The following SUGCT variants were observed in gnomAD, a reference collection of about 807,000 sequenced individuals.
SUGCT encodes the protein succinyl-CoA:glutarate CoA-transferase.
A neutral mutation model predicts 55.0 loss-of-function variants in SUGCT; 41 were observed. That is an observed-to-expected ratio of 0.74 (90% CI 0.58 to 0.97). The LOEUF (loss-of-function observed/expected upper bound fraction) is 0.97, where lower values mean the gene tolerates loss of function less well. Among genes scored for constraint, SUGCT ranks in the 50% least tolerant of loss-of-function variants. The probability of loss-of-function intolerance (pLI) is 0.00; values close to 1 mark genes in which losing one functional copy is unlikely to be tolerated. For synonymous variants in SUGCT, 187 were observed against 200.4 expected, an observed-to-expected ratio of 0.93 and a Z score of 0.56; for missense variants, 568 against 547.8, an observed-to-expected ratio of 1.04 and a Z score of -0.37.
At chr7:40,429,845 C>T (rs574271253) in intron 9 of SUGCT, among the ~76,000 whole-genome samples, 2 of 152,134 alleles carry the variant, frequency 1.3e-5, no homozygotes, top group African/African-American at 4.8e-5. Flanking sequence ...ACACATAGTA[C>T]CCTCTCTTTT....
intron 8 of SUGCT, among the ~76,000 whole-genome samples, chr7:40,290,018 A>G (rs1793637494): frequency 6.6e-6 from 1 of 152,130 alleles, no homozygotes; most frequent in Non-Finnish European, 1.5e-5. Context: ...ATACAAACAA[A>G]TGGAAGAACA....
chr7:40,516,280 C>G (rs1384589350), intron 12 of SUGCT, among the ~76,000 whole-genome samples: 1 of 152,104 alleles, frequency 6.6e-6, no homozygotes, highest in African/African-American at 2.4e-5. Flanking sequence ...ATCTTCCATT[C>G]TGTAAGTTTT....
the SUGCT span, among the ~76,000 whole-genome samples, chr7:40,954,812 G>A: frequency 3.7e-3 from 557 of 152,228 alleles, 4 homozygotes; most frequent in African/African-American, 0.013. Flanking sequence ...ATTAATTTTT[G>A]TATAAGGTGT....
chr7:40,236,804 A>G (rs1409682634), intron 6 of SUGCT, among the ~76,000 whole-genome samples: 8 of 152,036 alleles, frequency 5.3e-5, no homozygotes, highest in Non-Finnish European at 8.8e-5. Flanking sequence ...TGATTATTGC[A>G]TGTGAGAATG....
chr7:40,822,903 A>G (rs186101414), intron 13 of SUGCT, among the ~76,000 whole-genome samples: 13 of 151,934 alleles, frequency 8.6e-5, no homozygotes, highest in African/African-American at 3.1e-4. Flanking sequence ...AAATTCAGAG[A>G]AAGTGAAGAA....
At chr7:40,553,697 A>G (rs1469208453) in intron 12 of SUGCT, among the ~76,000 whole-genome samples, 1 of 151,124 alleles carries the variant, frequency 6.6e-6, no homozygotes, top group African/African-American at 2.4e-5. Flanking sequence ...CTGCCACATT[A>G]TGTGTGTGTG....
chr7:40,781,954 A>G (rs1789772661), intron 13 of SUGCT, among the ~76,000 whole-genome samples: 1 of 152,182 alleles, frequency 6.6e-6, no homozygotes, highest in African/African-American at 2.4e-5. Context: ...TACCAAAAAA[A>G]AAGTCTAGAA....
intron 11 of SUGCT, among the ~76,000 whole-genome samples, chr7:40,469,307 G>A (rs558193188): frequency 6.6e-6 from 1 of 152,216 alleles, no homozygotes; most frequent in South Asian, 2.1e-4. Flanking sequence ...TCATATCATG[G>A]CATTCACTGT....
At chr7:40,677,866 A>G (rs1269403803) in intron 12 of SUGCT, among the ~76,000 whole-genome samples, 2 of 152,152 alleles carry the variant, frequency 1.3e-5, no homozygotes, top group African/African-American at 4.8e-5. Flanking sequence ...TTCAGAAGCA[A>G]TCTTGGGTGA....
intron 12 of SUGCT, among the ~76,000 whole-genome samples, chr7:40,643,128 G>A (rs1456580873): frequency 6.6e-6 from 1 of 152,138 alleles, no homozygotes; most frequent in Non-Finnish European, 1.5e-5. Flanking sequence ...ATTTTTCAGT[G>A]TGAACTTCCT....
At chr7:40,481,079 T>C (rs1272849635) in intron 11 of SUGCT, among the ~76,000 whole-genome samples, 1 of 151,904 alleles carries the variant, frequency 6.6e-6, no homozygotes, top group Non-Finnish European at 1.5e-5. Context: ...CTTTGGGAGG[T>C]TGAGGTGGGA....
intron 1 of SUGCT, among the ~76,000 whole-genome samples, chr7:40,162,584 C>A (rs1784230941): frequency 6.6e-6 from 1 of 152,164 alleles, no homozygotes; most frequent in South Asian, 2.1e-4. Context: ...TCAAGTGATC[C>A]TTCCACGTCA....
chr7:40,554,510 G>T (rs1395574929), intron 12 of SUGCT, among the ~76,000 whole-genome samples: 1 of 152,208 alleles, frequency 6.6e-6, no homozygotes, highest in Non-Finnish European at 1.5e-5. Context: ...GCATAGTGTA[G>T]TTGTAGCTTC....
At chr7:40,539,604 TTC>T (rs899259213) in intron 12 of SUGCT, 4 of 152,218 alleles carry the variant, frequency 2.6e-5, no homozygotes, top group African/African-American at 9.6e-5. Context: ...GAGACATTTC[TTC>T]TCTCAGTTGT....
At chr7:40,515,726 C>T (rs1430310953) in intron 12 of SUGCT, among the ~76,000 whole-genome samples, 1 of 152,110 alleles carries the variant, frequency 6.6e-6, no homozygotes, top group Non-Finnish European at 1.5e-5. Flanking sequence ...CTGTTATAGG[C>T]ATTTGTATTG....
intron 12 of SUGCT, among the ~76,000 whole-genome samples, chr7:40,622,551 T>C (rs931242421): frequency 9.1e-5 from 13 of 142,410 alleles, no homozygotes; most frequent in African/African-American, 3.3e-4. Flanking sequence ...TTTTTTTTTT[T>C]CATCTTCTGA....
chr7:41,026,731 G>C, the SUGCT span, among the ~76,000 whole-genome samples: 7 of 152,112 alleles, frequency 4.6e-5, no homozygotes, highest in South Asian at 2.1e-4. Flanking sequence ...CTGGTTGTCT[G>C]ATCCTTAACT....
chr7:40,290,092 A>G (rs1793645520), intron 8 of SUGCT, among the ~76,000 whole-genome samples: 1 of 152,086 alleles, frequency 6.6e-6, no homozygotes, highest in Non-Finnish European at 1.5e-5. Flanking sequence ...AAGGTAATTT[A>G]TAGATTCAAT....
intron 9 of SUGCT, among the ~76,000 whole-genome samples, chr7:40,388,359 C>G (rs1785234905): frequency 6.6e-6 from 1 of 152,082 alleles, no homozygotes; most frequent in African/African-American, 2.4e-5. Flanking sequence ...ATTTTGACTT[C>G]CTCACCTTAA....
Sources: gnomAD v4.1 joint callset for allele counts (sites outside exome capture counted in the v4.1 genomes callset) on GRCh38, gnomAD v4.1.1 for gene constraint, MANE v1.5 for transcripts, NCBI Gene and HGNC (gene_info 2026-07-23, HGNC 2026-07-21) for gene names.